The following FOXK2 variants were observed in gnomAD, a reference collection of about 807,000 sequenced individuals.
FOXK2 encodes the protein forkhead box K2, also known as forkhead box protein K2.
In FOXK2, 24 loss-of-function variants were observed where a neutral mutation model predicts 53.3. The observed-to-expected ratio is 0.45, with a 90% CI of 0.33 to 0.63. The LOEUF (loss-of-function observed/expected upper bound fraction) is 0.63, where lower values mean the gene tolerates loss of function less well. Ranked by LOEUF, FOXK2 falls within the 30% of genes least tolerant of loss-of-function variation. The pLI is 0.03. For missense variants in FOXK2, 952 were observed against 910.5 expected, an observed-to-expected ratio of 1.05 and a Z score of -0.59; for synonymous variants, 505 against 407.1, an observed-to-expected ratio of 1.24 and a Z score of -2.89.
chr17:82,598,514 A>G (rs991583438), intron 8 of FOXK2, among the ~76,000 whole-genome samples: 1 of 152,230 alleles, frequency 6.6e-6, no homozygotes, highest in African/African-American at 2.4e-5. Context: ...AGACTTTAGC[A>G]TGAACAGAAA....
chr17:82,600,541 A>G (rs545010554), intron 8 of FOXK2: 2 of 152,378 alleles, frequency 1.3e-5, no homozygotes, highest in East Asian at 3.8e-4. Context: ...AATTTCATCT[A>G]AAGAAGTAAC....
intron 1 of FOXK2, among the ~76,000 whole-genome samples, chr17:82,528,348 A>G (rs896531309): frequency 6.6e-6 from 1 of 152,184 alleles, no homozygotes; most frequent in African/African-American, 2.4e-5. Context: ...AGAAAAGAGG[A>G]TTTCTAAATT....
chr17:82,533,518 C>T (rs1437368148), intron 1 of FOXK2, among the ~76,000 whole-genome samples: 1 of 151,942 alleles, frequency 6.6e-6, no homozygotes, highest in African/African-American at 2.4e-5. Flanking sequence ...GCAGTGAATA[C>T]ATAACCAGTA....
rs374245092 is a variant in FOXK2 at position 82,587,060 on chromosome 17, C to T, written c.1577-3C>T. On this transcript the variant is annotated splice_polypyrimidine_tract_variant and splice_region_variant and intron_variant, in intron 7 of 8. Coordinates refer to ENST00000335255, the MANE Select transcript of FOXK2 (RefSeq NM_004514.4). ...AATGTCGTTTCTTTTCCTTTAATTT[C>T]AGTGAAAGTAGAGCCTATTCCCGCC... 342 of 1,552,300 alleles carry T rather than the reference C, an allele frequency of 2.2e-4. No homozygotes were observed. The highest frequency in any genetic ancestry group is 2.8e-4 in the Non-Finnish European group (318 of 1,139,868).
intron 1 of FOXK2, among the ~76,000 whole-genome samples, chr17:82,556,497 A>T (rs2044726232): frequency 5.4e-5 from 8 of 148,914 alleles, no homozygotes; most frequent in Admixed American, 4.7e-4. Context: ...AATGTATTCC[A>T]TGGCTCATCA....
chr17:82,562,981 A>G (rs1295913406), intron 1 of FOXK2, among the ~76,000 whole-genome samples: 1 of 151,790 alleles, frequency 6.6e-6, no homozygotes, highest in Non-Finnish European at 1.5e-5. Flanking sequence ...AATTTTTTGT[A>G]GTCTTTGTAG....
chr17:82,543,975 A>G (rs1288808471), intron 1 of FOXK2, among the ~76,000 whole-genome samples: 1 of 151,878 alleles, frequency 6.6e-6, no homozygotes, highest in Non-Finnish European at 1.5e-5. Context: ...ATGGGGTTTC[A>G]CTGTGTTAGC....
At position 82,573,538 on chromosome 17, in the gene FOXK2, T is replaced by A. The variant is rs796217661; in HGVS notation, c.909+1668T>A. Reference sequence around the variant, plus strand: ...AAACTATATACATACACACACACACTCTCTCTCTCTCTCTCTCTCTCTCTC... The same window carrying A: ...AAACTATATACATACACACACACACACTCTCTCTCTCTCTCTCTCTCTCTC... On this transcript the variant is annotated intron_variant, in intron 4 of 8. Transcript: ENST00000335255. 2.8e-3 allele frequency among the ~76,000 whole-genome samples: 298 copies of A among 106,628 alleles called. 1 individual carries two copies. Among genetic ancestry groups the A allele is most frequent in the African/African-American group, 0.01 (249 of 23,886 alleles). The allele number at this position is 106,628 out of a possible 152,430, so 70.0% of individuals were successfully genotyped here.
chr17:82,577,466 T>G (rs879071983), intron 4 of FOXK2: 2 of 343,020 alleles, frequency 5.8e-6, no homozygotes, highest in Non-Finnish European at 1.1e-5. Context: ...GCGGCCGGGT[T>G]AAGGTCTCGC....
At chr17:82,547,705 A>G (rs1341579986) in intron 1 of FOXK2, among the ~76,000 whole-genome samples, 2 of 152,186 alleles carry the variant, frequency 1.3e-5, no homozygotes, top group African/African-American at 4.8e-5. Flanking sequence ...TACACCATGT[A>G]GCCGAAATCA....
chr17:82,537,519 T>G (rs566509976), intron 1 of FOXK2, among the ~76,000 whole-genome samples: 2 of 143,020 alleles, frequency 1.4e-5, no homozygotes, highest in South Asian at 4.3e-4. Flanking sequence ...TTCAGGAGGC[T>G]AAGGCAGGAG....
At chr17:82,559,624 CTTG>C (rs1027798917) in intron 1 of FOXK2, 18 of 399,930 alleles carry the variant, frequency 4.5e-5, no homozygotes, top group African/African-American at 2.7e-4. Flanking sequence ...GCTGGTCTTC[CTTG>C]TTGTCCTCAG....
intron 1 of FOXK2, among the ~76,000 whole-genome samples, chr17:82,540,999 T>G (rs111737225): frequency 6.6e-6 from 1 of 152,176 alleles, no homozygotes; most frequent in Non-Finnish European, 1.5e-5. Context: ...ACAGTGGGTG[T>G]GTGTGGCGTG....
At chr17:82,546,170 G>GCAGTGGTGC (rs2044623830) in intron 1 of FOXK2, among the ~76,000 whole-genome samples, 1 of 135,214 alleles carries the variant, frequency 7.4e-6, no homozygotes, top group Non-Finnish European at 1.5e-5. Flanking sequence ...AGGCTGGAGT[G>GCAGTGGTGC]CAGTGGTGCC....
chr17:82,584,106 G>A lies in FOXK2; in HGVS notation c.1197G>A (p.Pro399=), dbSNP rs368015086. The A allele has an allele frequency of 4.3e-5, 69 of 1,611,062 alleles. No individual in the cohort carries two copies. Among genetic ancestry groups the A allele is most frequent in the Non-Finnish European group, 5.3e-5 (63 of 1,179,836 alleles). The change falls in exon 6 of 9, where the codon CCG becomes CCA. Residue 399 remains proline, a synonymous_variant. Coordinates refer to ENST00000335255, the MANE Select transcript of FOXK2 (RefSeq NM_004514.4). ...TPESLSREGS[P]APLEPEPGAA... is the part of the protein sequence containing the mutation. Reference sequence around the variant, plus strand: ...AGAGCCTGTCGAGGGAAGGTTCGCCGGCCCCCCTGGAGCCTGAGCCTGGCG... The same window carrying A: ...AGAGCCTGTCGAGGGAAGGTTCGCCAGCCCCCCTGGAGCCTGAGCCTGGCG...
At chr17:82,580,099 G>A (rs1221469425) in intron 4 of FOXK2, among the ~76,000 whole-genome samples, 498 of 54,856 alleles carry the variant, frequency 9.1e-3, no homozygotes, top group African/African-American at 0.011. Context: ...CATGTCACCC[G>A]TGAAGTAGCT....
intron 4 of FOXK2, chr17:82,577,505 A>G: frequency 3.6e-6 from 1 of 279,496 alleles, no homozygotes; most frequent in Non-Finnish European, 6.8e-6. Flanking sequence ...CTCACTGCCC[A>G]GTCAGGGCAG....
At chr17:82,593,149 C>T (rs535785669) in intron 8 of FOXK2, among the ~76,000 whole-genome samples, 26 of 150,524 alleles carry the variant, frequency 1.7e-4, no homozygotes, top group South Asian at 1.5e-3. Flanking sequence ...CTCCCTGCAC[C>T]GGGCACAGGC....
chr17:82,584,230 G>C (rs956703567), intron 6 of FOXK2, 42 bp downstream of exon 6: 4 of 1,523,604 alleles, frequency 2.6e-6, no homozygotes, highest in Non-Finnish European at 3.5e-6. Flanking sequence ...AACAGCGTGA[G>C]CCAGACGCGG....
Sources: gnomAD v4.1 joint callset for allele counts (sites outside exome capture counted in the v4.1 genomes callset) on GRCh38, gnomAD v4.1.1 for gene constraint, MANE v1.5 for transcripts, NCBI Gene and HGNC (gene_info 2026-07-23, HGNC 2026-07-21) for gene names.